TRDN: variants seen among roughly 807,000 people sequenced by gnomAD.
The protein encoded by TRDN is triadin in skeletal muscle.
In TRDN, 161 loss-of-function variants were observed where a neutral mutation model predicts 149.7. That is an observed-to-expected ratio of 1.08 (90% CI 0.95 to 1.23). The LOEUF (loss-of-function observed/expected upper bound fraction) is 1.23, where lower values mean the gene tolerates loss of function less well. TRDN is among the 50% of genes most tolerant of loss of function. TRDN has a pLI of 0.00. For synonymous variants in TRDN, 294 were observed against 250.5 expected, an observed-to-expected ratio of 1.17 and a Z score of -1.64; for missense variants, 896 against 823.5, an observed-to-expected ratio of 1.09 and a Z score of -1.08.
intron 33 of TRDN, among the ~76,000 whole-genome samples, chr6:123,262,492 C>T (rs1776807277): frequency 1.3e-5 from 2 of 152,052 alleles, no homozygotes; most frequent in African/African-American, 4.8e-5. Context: ...GGCATTCCCT[C>T]ATACATCCTG....
chr6:123,323,820 C>G (rs562868783), intron 23 of TRDN, among the ~76,000 whole-genome samples: 7 of 152,334 alleles, frequency 4.6e-5, no homozygotes, highest in African/African-American at 1.7e-4. Flanking sequence ...TAGTGTCACT[C>G]TGCTTTTATC....
chr6:123,289,516 G>A (rs1489281611), intron 24 of TRDN, among the ~76,000 whole-genome samples: 1 of 152,006 alleles, frequency 6.6e-6, no homozygotes, highest in East Asian at 1.9e-4. Context: ...GCTAAAACAG[G>A]GCCTCAGTGA....
chr6:123,516,343 G>C (rs532130608), intron 5 of TRDN, 137 bp from the exon 6 acceptor site: 2 of 1,076,834 alleles, frequency 1.9e-6, no homozygotes, highest in Non-Finnish European at 2.4e-6. Context: ...ATTTTATGTA[G>C]TTAGAGGTTT....
At chr6:123,515,513 A>G (rs142180124) in intron 6 of TRDN, among the ~76,000 whole-genome samples, 1 of 151,672 alleles carries the variant, frequency 6.6e-6, no homozygotes, top group East Asian at 1.9e-4. Flanking sequence ...TTAAATTGTA[A>G]AAGTCAGATT....
intron 10 of TRDN, among the ~76,000 whole-genome samples, chr6:123,449,133 C>T (rs1335593885): frequency 1.3e-5 from 2 of 152,114 alleles, no homozygotes; most frequent in Admixed American, 1.3e-4. Context: ...AACCAGAAAA[C>T]CAACGCTGGT....
chr6:123,375,730 G>T, intron 18 of TRDN, 99 bp from the exon 19 acceptor site: 1 of 994,768 alleles, frequency 1.0e-6, no homozygotes, highest in Non-Finnish European at 1.4e-6. Context: ...TAAAGATTGT[G>T]TGTATAATAT....
chr6:123,423,586 CATTT>C (rs1773996079), intron 12 of TRDN, among the ~76,000 whole-genome samples: 2 of 152,056 alleles, frequency 1.3e-5, no homozygotes, highest in African/African-American at 4.8e-5. Context: ...GAGTAATAAA[CATTT>C]AGTTTGAAAA....
chr6:123,270,304 T>C (rs1777163226), intron 30 of TRDN, among the ~76,000 whole-genome samples: 2 of 152,040 alleles, frequency 1.3e-5, no homozygotes, highest in African/African-American at 4.8e-5. Flanking sequence ...TCTTTCTTTC[T>C]ACTTATAAAC....
At chr6:123,346,368 G>A (rs563750047) in intron 21 of TRDN, among the ~76,000 whole-genome samples, 1 of 151,676 alleles carries the variant, frequency 6.6e-6, no homozygotes, top group South Asian at 2.1e-4. Context: ...TTGCATATCT[G>A]GAATACGTAT....
chr6:123,522,454 A>G (rs1283580973), intron 5 of TRDN, among the ~76,000 whole-genome samples: 1 of 150,654 alleles, frequency 6.6e-6, no homozygotes, highest in East Asian at 2.0e-4. Flanking sequence ...GGAAAGCCAG[A>G]GGAAAATTAG....
At chr6:123,237,905 T>C (rs1488414083) in intron 38 of TRDN, among the ~76,000 whole-genome samples, 1 of 152,086 alleles carries the variant, frequency 6.6e-6, no homozygotes, top group Admixed American at 6.6e-5. Context: ...AAAGATATAT[T>C]ACACAGGAAG....
At chr6:123,608,201 CTGAT>C (rs1446551500) in intron 1 of TRDN, among the ~76,000 whole-genome samples, 2 of 152,000 alleles carry the variant, frequency 1.3e-5, no homozygotes, top group Non-Finnish European at 2.9e-5. Flanking sequence ...ATCTTACTAA[CTGAT>C]TGATTGGGTA....
At chr6:123,528,853 C>T in intron 5 of TRDN, 2 of 1,019,938 alleles carry the variant, frequency 2.0e-6, no homozygotes, top group Non-Finnish European at 2.4e-6. Context: ...CAGTGTGGAG[C>T]AACTGAAGCT....
At chr6:123,388,374 T>C in intron 14 of TRDN, 148 bp downstream of exon 14, 2 of 825,812 alleles carry the variant, frequency 2.4e-6, no homozygotes, top group Non-Finnish European at 2.0e-6. Context: ...TGAGGTGAAG[T>C]AGAAAAAGCA....
intron 2 of TRDN, among the ~76,000 whole-genome samples, chr6:123,549,871 C>T (rs73770168): frequency 1.3e-5 from 2 of 152,026 alleles, no homozygotes; most frequent in African/African-American, 4.8e-5. Flanking sequence ...GAGAGAAAGA[C>T]AGAATTCCAG....
At position 123,403,759 on chromosome 6, in the gene TRDN, A is replaced by G. The variant is rs149405913; in HGVS notation, c.1052-10082T>C. Reference sequence around the variant, plus strand: ...AAGAGGTCCAAATTTAAAAAACTCAACATAACTGAAAATAGAATTTTACTA... The same window carrying G: ...AAGAGGTCCAAATTTAAAAAACTCAGCATAACTGAAAATAGAATTTTACTA... On this transcript the variant is annotated intron_variant, in intron 12 of 40. Transcript: ENST00000334268. Among the ~76,000 whole-genome samples the G allele has an allele frequency of 8.7e-3, 1,322 of 152,264 alleles. 21 individuals carry two copies. The highest frequency in any genetic ancestry group is 0.03 in the African/African-American group (1,245 of 41,550).
chr6:123,340,412 T>C (rs1012271364), intron 21 of TRDN, among the ~76,000 whole-genome samples: 1 of 152,092 alleles, frequency 6.6e-6, no homozygotes, highest in Non-Finnish European at 1.5e-5. Flanking sequence ...TTAGTGAGAA[T>C]GTTAATACAA....
At chr6:123,260,571 C>T (rs1366097976) in intron 34 of TRDN, 41 bp downstream of exon 34, 1 of 1,438,572 alleles carries the variant, frequency 7.0e-7, no homozygotes, top group South Asian at 1.4e-5. Flanking sequence ...ATACTGTTTC[C>T]ACAACTGTAT....
At chr6:123,461,238 G>C (rs1041426926) in intron 10 of TRDN, among the ~76,000 whole-genome samples, 1 of 152,180 alleles carries the variant, frequency 6.6e-6, no homozygotes, top group African/African-American at 2.4e-5. Flanking sequence ...CAACTCATTA[G>C]TATCAAAGCT....
Sources: allele counts gnomAD v4.1 joint callset (sites outside exome capture counted in the v4.1 genomes callset), GRCh38; gene constraint gnomAD v4.1.1; transcripts MANE v1.5; gene names NCBI Gene and HGNC (gene_info 2026-07-23, HGNC 2026-07-21).